The following ALK variants were observed in gnomAD, a reference collection of about 807,000 sequenced individuals.
ALK encodes ALK tyrosine kinase receptor.
In ALK, 74 loss-of-function variants were observed where a neutral mutation model predicts 163.1. The observed-to-expected ratio is 0.45, with a 90% CI of 0.38 to 0.55. The LOEUF (loss-of-function observed/expected upper bound fraction) is 0.55, where lower values mean the gene tolerates loss of function less well. Ranked by LOEUF, ALK falls within the 20% of genes least tolerant of loss-of-function variation. The pLI is 0.00. For missense variants in ALK, 2,063 were observed against 2,105.3 expected (o/e 0.98, Z 0.39); for synonymous variants, 960 against 843.2 (o/e 1.14, Z -2.40).
At chr2:29,827,995 C>G (rs1665248697) in intron 1 of ALK, among the ~76,000 whole-genome samples, 1 of 152,050 alleles carries the variant, frequency 6.6e-6, no homozygotes, top group African/African-American at 2.4e-5. Flanking sequence ...CAGAACAGAG[C>G]CCTCAGAAAT....
intron 3 of ALK, among the ~76,000 whole-genome samples, chr2:29,656,282 G>C (rs11902206): frequency 0.08 from 12,148 of 152,026 alleles, 924 homozygotes; most frequent in African/African-American, 0.2. Context: ...AATGGTAGAG[G>C]GACTGACTGA....
At chr2:29,876,687 A>G (rs1306859203) in intron 1 of ALK, among the ~76,000 whole-genome samples, 3 of 125,854 alleles carry the variant, frequency 2.4e-5, no homozygotes, top group South Asian at 6.3e-4. Flanking sequence ...CGATGGTGAT[A>G]TGGTGATGGT....
chr2:29,755,032 T>C (rs1313969609), intron 1 of ALK, among the ~76,000 whole-genome samples: 1 of 151,926 alleles, frequency 6.6e-6, no homozygotes, highest in Non-Finnish European at 1.5e-5. Context: ...TGAGCTTGGT[T>C]GCCTGTGAAG....
chr2:29,884,534 T>C (rs1306198879), intron 1 of ALK, among the ~76,000 whole-genome samples: 1 of 152,118 alleles, frequency 6.6e-6, no homozygotes, highest in Non-Finnish European at 1.5e-5. Flanking sequence ...TTGGGGTAAA[T>C]ACGTTTTTAT....
chr2:29,909,538 T>A (rs1297898402), intron 1 of ALK, among the ~76,000 whole-genome samples: 6 of 148,560 alleles, frequency 4.0e-5, no homozygotes, highest in African/African-American at 1.5e-4. Context: ...CAAAACTGCC[T>A]AGAAGTCCTC....
chr2:29,662,920 A>G (rs1278788464), intron 3 of ALK, among the ~76,000 whole-genome samples: 2 of 152,280 alleles, frequency 1.3e-5, no homozygotes, highest in Non-Finnish European at 2.9e-5. Flanking sequence ...TTTTACTGCT[A>G]TGTATTGCTC....
intron 5 of ALK, among the ~76,000 whole-genome samples, chr2:29,383,391 G>A (rs1043052044): frequency 5.9e-5 from 9 of 151,412 alleles, no homozygotes; most frequent in South Asian, 2.1e-4. Flanking sequence ...ATCTTGGCTC[G>A]CTGTGACCTC....
Position 29,251,116 on chromosome 2 carries a change from G to A in ALK, c.2193C>T (p.Thr731=), listed in dbSNP as rs56017149. 106 of 1,614,000 alleles carry A rather than the reference G, an allele frequency of 6.6e-5. No individual in the cohort carries two copies. Among genetic ancestry groups the A allele is most frequent in the Non-Finnish European group, 8.4e-5 (99 of 1,179,970 alleles). ...KGIQIWKVPA[T]DTYSISGYGA... is the part of the protein sequence containing the mutation. ...TCTTCCATACGCACCTGTAGGTGTC[G>A]GTGGCTGGCACCTTCCAGATCTGGA... Residue 731 remains threonine, a synonymous_variant, in exon 12 of 29, where the codon ACC becomes ACT. Coordinates refer to ENST00000389048, the MANE Select transcript of ALK (RefSeq NM_004304.5).
intron 1 of ALK, among the ~76,000 whole-genome samples, chr2:29,857,630 A>G (rs566326032): frequency 6.6e-6 from 1 of 152,216 alleles, no homozygotes; most frequent in East Asian, 1.9e-4. Flanking sequence ...GACCGATGTC[A>G]ACAAAATCAT....
At chr2:29,817,363 T>C (rs1004972640) in intron 1 of ALK, among the ~76,000 whole-genome samples, 14 of 152,136 alleles carry the variant, frequency 9.2e-5, no homozygotes, top group African/African-American at 3.4e-4. Flanking sequence ...ATGGTTGGAG[T>C]GGGGGACAAG....
intron 11 of ALK, among the ~76,000 whole-genome samples, chr2:29,271,782 C>G (rs780369245): frequency 2.6e-5 from 4 of 152,212 alleles, no homozygotes; most frequent in African/African-American, 9.7e-5. Context: ...TTTTATCCCC[C>G]CTTTGGCGAG....
chr2:29,207,120 G>A (rs2148151776), intron 26 of ALK, 51 bp downstream of exon 26: 1 of 1,465,980 alleles, frequency 6.8e-7, no homozygotes, highest in Non-Finnish European at 9.6e-7. Context: ...TTTGGCCCAG[G>A]AGCACCACCT....
chr2:29,268,899 G>T (rs190592724), intron 11 of ALK, among the ~76,000 whole-genome samples: 1 of 152,140 alleles, frequency 6.6e-6, no homozygotes, highest in Non-Finnish European at 1.5e-5. Flanking sequence ...AGGTAGCTCC[G>T]TATGTGTCAG....
At position 29,694,969 on chromosome 2, in the gene ALK, G is replaced by C. The variant is rs199703254; in HGVS notation, c.833C>G (p.Pro278Arg). 1.2e-6 allele frequency: 2 copies of C among 1,614,022 alleles called. No homozygotes were observed. The highest frequency in any genetic ancestry group is 1.3e-5 in the African/African-American group (1 of 74,942). Residue 278 changes from proline (P) to arginine (R), a missense_variant, in exon 3 of 29, where the codon CCT becomes CGT. Pro to Arg is a moderately radical substitution (Grantham distance 103). This residue lies in a region of ALK where 987 missense variants were observed against 939.5 expected (regional missense o/e 1.05). Coordinates refer to ENST00000389048, the MANE Select transcript of ALK (RefSeq NM_004304.5). ...CTGGTTCCTGAGGTCATGCAGTGGA[G>C]GGGAATACTCCAGCTCACAGGGGAA... ...FDFPCELEYS[P>R]PLHDLRNQSW...
intron 4 of ALK, among the ~76,000 whole-genome samples, chr2:29,454,302 A>G (rs1670895323): frequency 6.6e-6 from 1 of 152,220 alleles, no homozygotes; most frequent in African/African-American, 2.4e-5. Flanking sequence ...TTTTATATGA[A>G]GTAGTATAAT....
intron 1 of ALK, among the ~76,000 whole-genome samples, chr2:29,798,587 A>G (rs1664383117): frequency 6.6e-6 from 1 of 152,268 alleles, no homozygotes; most frequent in African/African-American, 2.4e-5. Context: ...TTAAAAGGCA[A>G]TTAAAGAATG....
chr2:29,586,588 C>G (rs940720842), intron 3 of ALK, among the ~76,000 whole-genome samples: 1 of 152,136 alleles, frequency 6.6e-6, no homozygotes, highest in African/African-American at 2.4e-5. Context: ...TTGGTTATCT[C>G]CAAGCTCCTC....
intron 3 of ALK, among the ~76,000 whole-genome samples, chr2:29,661,915 T>C (rs1328317237): frequency 1.3e-5 from 2 of 150,684 alleles, no homozygotes; most frequent in Non-Finnish European, 2.9e-5. Context: ...TGTTTTATTG[T>C]TGTTGTTTTT....
In ALK at chr2:29,193,801, T is replaced by G. The variant is rs55906201; in HGVS notation, c.4286A>C (p.Gln1429Pro). The change falls in exon 29 of 29, where the codon CAG (glutamine) becomes CCG (proline). Residue 1429 changes from glutamine to proline, a missense_variant. Around this residue, in one of 5 missense-constraint regions of ALK, gnomAD observed 403 missense variants for 366.2 expected, o/e 1.10. Transcript: ENST00000389048. ...GCTGCGCTCCTCCTCCCGTTTTGCCTGTTGAGAGACCAGGAGAGGAGGAAC... is the reference window on the plus strand; with the variant it reads ...GCTGCGCTCCTCCTCCCGTTTTGCCGGTTGAGAGACCAGGAGAGGAGGAAC... ...EGVPPLLVSQ[Q>P]AKREEERSPA... 3 of 1,598,410 alleles carry G rather than the reference T, an allele frequency of 1.9e-6. No individual in the cohort carries two copies. The highest frequency in any genetic ancestry group is 2.6e-6 in the Non-Finnish European group (3 of 1,172,222).
Sources: gnomAD v4.1 joint callset for allele counts (sites outside exome capture counted in the v4.1 genomes callset) on GRCh38, gnomAD v4.1.1 for gene constraint, gnomAD v4.1.1 regional missense constraint, MANE v1.5 for transcripts, NCBI Gene and HGNC (gene_info 2026-07-23, HGNC 2026-07-21) for gene names.